Variants in IQCJ observed in about 807,000 individuals in gnomAD.
IQCJ encodes the protein IQ domain-containing protein J.
IQCJ carries 9 observed loss-of-function variants against 11.0 expected under a neutral mutation model. The observed-to-expected ratio is 0.82, with a 90% CI of 0.49 to 1.43. IQCJ has a LOEUF of 1.43. Among genes scored for constraint, IQCJ ranks in the 40% most tolerant of loss-of-function variants. The pLI, the probability that IQCJ is intolerant of heterozygous loss-of-function variation, is 0.00. For synonymous variants in IQCJ, 55 were observed against 51.3 expected (o/e 1.07, Z -0.31); for missense variants, 146 against 133.2 (o/e 1.10, Z -0.47).
At chr3:159,247,504 G>A (rs1252683145) in intron 2 of IQCJ, among the ~76,000 whole-genome samples, 7 of 152,186 alleles carry the variant, frequency 4.6e-5, no homozygotes, top group Admixed American at 4.6e-4. Context: ...GTAGAAATGT[G>A]ATTGGACAAA....
chr3:159,114,978 C>T (rs1718878013), intron 1 of IQCJ, among the ~76,000 whole-genome samples: 1 of 152,196 alleles, frequency 6.6e-6, no homozygotes, highest in African/African-American at 2.4e-5. Flanking sequence ...AAAAATAGCA[C>T]ATCAAATCTG....
chr3:159,114,591 T>C (rs1001967086), intron 1 of IQCJ, among the ~76,000 whole-genome samples: 9 of 152,246 alleles, frequency 5.9e-5, no homozygotes, highest in African/African-American at 2.2e-4. Context: ...GGATTACAGA[T>C]GTGAGCCACT....
intron 1 of IQCJ, among the ~76,000 whole-genome samples, chr3:159,218,685 GA>G (rs1237175298): frequency 2.6e-5 from 4 of 152,114 alleles, no homozygotes; most frequent in African/African-American, 7.2e-5. Context: ...AAAGCAGGAA[GA>G]ATTTTCTACT....
At chr3:159,105,465 AG>A (rs1370101157) in intron 1 of IQCJ, among the ~76,000 whole-genome samples, 3 of 152,178 alleles carry the variant, frequency 2.0e-5, no homozygotes, top group Admixed American at 6.5e-5. Flanking sequence ...ACACAATGGT[AG>A]GGGTAACCAG....
At position 159,115,494 on chromosome 3, in the gene IQCJ, G is replaced by A. The variant is rs570972550; in HGVS notation, c.9+46053G>A. Among the ~76,000 whole-genome samples the A allele has an allele frequency of 7.9e-4, 121 of 152,264 alleles. 2 individuals carry two copies. Among genetic ancestry groups the A allele is most frequent in the Admixed American group, 4.6e-4 (7 of 15,294 alleles). ...AAAGAGTGTAAGTTGTAGTGAACAC[G>A]TAACACTTTCTCTGCCACAGATAGT... On this transcript the variant is annotated intron_variant, in intron 1 of 3. Transcript: ENST00000397832.
At chr3:159,196,976 C>T (rs1470137162) in intron 1 of IQCJ, among the ~76,000 whole-genome samples, 2 of 151,860 alleles carry the variant, frequency 1.3e-5, no homozygotes, top group East Asian at 1.9e-4. Context: ...GTCCCACCCA[C>T]CCCCCAAAGA....
chr3:159,132,850 T>C (rs1720068404), intron 1 of IQCJ, among the ~76,000 whole-genome samples: 1 of 152,208 alleles, frequency 6.6e-6, no homozygotes, highest in Admixed American at 6.6e-5. Context: ...GTGAGAATAC[T>C]GATCTACATG....
chr3:159,200,635 G>T (rs1724274629), intron 1 of IQCJ, among the ~76,000 whole-genome samples: 1 of 152,162 alleles, frequency 6.6e-6, no homozygotes, highest in Non-Finnish European at 1.5e-5. Flanking sequence ...CTGATTGTTT[G>T]GTCCTTGTGT....
chr3:159,184,307 T>G (rs1040406952), intron 1 of IQCJ, among the ~76,000 whole-genome samples: 4 of 152,190 alleles, frequency 2.6e-5, no homozygotes, highest in African/African-American at 9.7e-5. Context: ...TTCCTGTGGT[T>G]GGTCCCATCA....
chr3:159,258,482 C>T (rs541468574), intron 3 of IQCJ, among the ~76,000 whole-genome samples: 1 of 152,038 alleles, frequency 6.6e-6, no homozygotes, highest in Non-Finnish European at 1.5e-5. Flanking sequence ...ATATTGGGCA[C>T]GCAAAATCTA....
intron 1 of IQCJ, among the ~76,000 whole-genome samples, chr3:159,074,184 G>A (rs73025581): frequency 6.6e-6 from 1 of 152,124 alleles, no homozygotes; most frequent in Non-Finnish European, 1.5e-5. Flanking sequence ...GAAGGTGAAT[G>A]AGGCTGTGAT....
intron 1 of IQCJ, among the ~76,000 whole-genome samples, chr3:159,190,895 G>A (rs568715297): frequency 6.6e-6 from 1 of 152,336 alleles, no homozygotes; most frequent in South Asian, 2.1e-4. Flanking sequence ...AGGTGTTCTT[G>A]TATAGTTAGG....
intron 2 of IQCJ, among the ~76,000 whole-genome samples, chr3:159,250,775 G>A (rs915112437): frequency 2.6e-5 from 4 of 152,172 alleles, no homozygotes; most frequent in African/African-American, 4.8e-5. Flanking sequence ...TACAATCCAA[G>A]GTGAGATTTG....
At chr3:159,210,934 G>A (rs1308209345) in intron 1 of IQCJ, among the ~76,000 whole-genome samples, 5 of 151,876 alleles carry the variant, frequency 3.3e-5, no homozygotes, top group African/African-American at 7.3e-5. Flanking sequence ...TACCTCCCAA[G>A]TTGCTGGGAT....
chr3:159,095,368 AT>A lies in IQCJ; in HGVS notation c.9+25935del, dbSNP rs1170737114. Among the ~76,000 whole-genome samples, 51 of 150,944 alleles carry A rather than the reference AT, an allele frequency of 3.4e-4. 2 individuals carry two copies. Among genetic ancestry groups the A allele is most frequent in the African/African-American group, 1.1e-3 (43 of 40,712 alleles). On this transcript the variant is annotated intron_variant, in intron 1 of 3. Coordinates refer to ENST00000397832, the MANE Select transcript of IQCJ (RefSeq NM_001042706.3). ...AGGAAAATTTATTTTATTTTATTTT[AT>A]TTTTTTTATTATACTCTAAGTTTTA... is the stretch of plus-strand genomic sequence containing the variant.
intron 1 of IQCJ, among the ~76,000 whole-genome samples, chr3:159,178,030 T>A (rs1442828186): frequency 6.6e-6 from 1 of 152,194 alleles, no homozygotes; most frequent in Admixed American, 6.5e-5. Flanking sequence ...TGATGAACAT[T>A]TTTATAACTC....
intron 1 of IQCJ, among the ~76,000 whole-genome samples, chr3:159,167,618 G>A (rs1332958618): frequency 6.6e-6 from 1 of 152,112 alleles, no homozygotes; most frequent in African/African-American, 2.4e-5. Flanking sequence ...TTTTGAAGAT[G>A]GAAGAAAGTA....
rs1330395914 is a variant in IQCJ, at chr3:159,109,536, A to AAAAAAAC, written c.9+40101_9+40102insCAAAAAA. Among the ~76,000 whole-genome samples the AAAAAAAC allele has an allele frequency of 3.0e-4, 46 of 151,426 alleles. 1 individual carries two copies. In the East Asian group the frequency reaches 8.1e-3, roughly 27 times the overall value. ...CCTTACTTGTATTAACTAAAAAAAAAAAAAAAAAAACCAGTTGTCATTTTG... is the reference window on the plus strand; with the variant it reads ...CCTTACTTGTATTAACTAAAAAAAAAAAAAAACAAAAAAAAAACCAGTTGTCATTTTG... On this transcript the variant is annotated intron_variant, in intron 1 of 3. Coordinates refer to ENST00000397832, the MANE Select transcript of IQCJ (RefSeq NM_001042706.3).
At chr3:159,194,075 G>A (rs1577071982) in intron 1 of IQCJ, among the ~76,000 whole-genome samples, 1 of 152,168 alleles carries the variant, frequency 6.6e-6, no homozygotes, top group Non-Finnish European at 1.5e-5. Flanking sequence ...TTTGGGGGAA[G>A]AACTGAGGAA....
Sources: allele counts gnomAD v4.1 joint callset (sites outside exome capture counted in the v4.1 genomes callset), GRCh38; gene constraint gnomAD v4.1.1; transcripts MANE v1.5; gene names NCBI Gene and HGNC (gene_info 2026-07-23, HGNC 2026-07-21).